The following NEIL2 variants were observed in gnomAD, a reference collection of about 807,000 sequenced individuals.
The protein encoded by NEIL2 is nei like DNA glycosylase 2.
Under a neutral mutation model 22.2 loss-of-function variants are expected in NEIL2, and 23 were observed. The ratio of observed to expected loss-of-function variants is 1.04; its 90% CI spans 0.75 to 1.47. The LOEUF is 1.47. NEIL2 is among the 40% of genes most tolerant of loss of function. The pLI is 0.00. For synonymous variants in NEIL2, 229 were observed against 164.8 expected (o/e 1.39, Z -2.99); for missense variants, 583 against 404.7 (o/e 1.44, Z -3.78).
At position 11,779,976 on chromosome 8, in the gene NEIL2, G is replaced by A. The variant is rs368736363; in HGVS notation, c.491+26G>A. On this transcript the variant is annotated intron_variant, in intron 3 of 4. Transcript: ENST00000284503. ...GTAATGGTGTGGCCATCTGATTTTC[G>A]TGGGCTCTGATAGTCATAGGGCCCT... 40 of 1,596,810 alleles carry A rather than the reference G, an allele frequency of 2.5e-5. 1 individual carries two copies. The highest frequency in any genetic ancestry group is 2.0e-4 in the African/African-American group (15 of 74,536).
At chr8:11,782,183 G>C (rs183768587) in intron 3 of NEIL2, among the ~76,000 whole-genome samples, 1 of 152,090 alleles carries the variant, frequency 6.6e-6, no homozygotes, top group Non-Finnish European at 1.5e-5. Flanking sequence ...AGCACTTTAC[G>C]AGGCCGAGGC....
intron 2 of NEIL2, among the ~76,000 whole-genome samples, chr8:11,775,183 G>C (rs1364111771): frequency 6.6e-6 from 1 of 152,246 alleles, no homozygotes; most frequent in Non-Finnish European, 1.5e-5. Context: ...GCACACCTCT[G>C]CCTGGACATC....
In NEIL2 at chr8:11,786,266, T is replaced by G. The variant is rs1804940469; in HGVS notation, c.992T>G (p.Phe331Cys). ...QLSEEPEQCQ[F>C]S ...TCAGAGGAGCCAGAGCAGTGCCAGT[T>G]CTCCTAAGGAGCTGGTGGTGCTCCT... The change falls in exon 5 of 5, where the codon TTC (phenylalanine) becomes TGC (cysteine). Residue 331 changes from phenylalanine to cysteine, a missense_variant. By Grantham distance (205) the Phe-to-Cys change is radical (BLOSUM62 -2). Transcript: ENST00000284503. 1 of 1,611,504 alleles carries G rather than the reference T, an allele frequency of 6.2e-7. No homozygotes were observed. The highest frequency in any genetic ancestry group is 8.5e-7 in the Non-Finnish European group (1 of 1,179,780).
chr8:11,771,923 G>A (rs1262763814), intron 2 of NEIL2, among the ~76,000 whole-genome samples: 4 of 152,132 alleles, frequency 2.6e-5, no homozygotes, highest in Non-Finnish European at 4.4e-5. Flanking sequence ...GAGCAGAACC[G>A]GCTGGGCACG....
rs920918849 is a variant in NEIL2 at position 11,786,685 on chromosome 8, G to C, written c.*412G>C. On this transcript the variant is annotated 3_prime_UTR_variant, in exon 5 of 5. Coordinates refer to ENST00000284503, the MANE Select transcript of NEIL2 (RefSeq NM_145043.4). ...GAGAGAGTCTTGCTCTGTCTCCCTG[G>C]CTAGGGTGTGGTGGTGTGATCTTGG... 5.8e-5 allele frequency: 15 copies of C among 257,826 alleles called. No homozygotes were observed. Among genetic ancestry groups the C allele is most frequent in the Non-Finnish European group, 9.7e-5 (13 of 133,842 alleles). The allele number at this position is 257,826 out of a possible 1,614,324, so 16.0% of individuals were successfully genotyped here.
Position 11,776,740 on chromosome 8 carries a change from C to T in NEIL2, c.139-2858C>T, listed in dbSNP as rs112476451. Among the ~76,000 whole-genome samples the T allele has an allele frequency of 7.3e-3, 1,111 of 152,284 alleles. 12 individuals carry two copies. The highest frequency in any genetic ancestry group is 0.02 in the Middle Eastern group (6 of 294). ...CCCATCTCCAGGTCACCTGGGGTCA[C>T]GATGGGTAGGTCCCCTGGGTTCTCT... On this transcript the variant is annotated intron_variant, in intron 2 of 4. Transcript: ENST00000284503.
At chr8:11,777,151 A>G (rs1210394141) in intron 2 of NEIL2, among the ~76,000 whole-genome samples, 1 of 139,694 alleles carries the variant, frequency 7.2e-6, no homozygotes, top group Admixed American at 7.0e-5. Context: ...TTCTACCCAC[A>G]CTTTTCTTTT....
At chr8:11,774,461 T>C (rs1803739782) in intron 2 of NEIL2, among the ~76,000 whole-genome samples, 1 of 152,110 alleles carries the variant, frequency 6.6e-6, no homozygotes, top group Non-Finnish European at 1.5e-5. Flanking sequence ...TACCTCCCAC[T>C]GGGTACCTCC....
intron 3 of NEIL2, among the ~76,000 whole-genome samples, chr8:11,780,810 G>C (rs1804352987): frequency 6.6e-6 from 1 of 152,152 alleles, no homozygotes; most frequent in Admixed American, 6.5e-5. Context: ...CATATTCTTA[G>C]GGCTGTACAT....
intron 2 of NEIL2, among the ~76,000 whole-genome samples, chr8:11,777,003 C>T (rs972618701): frequency 6.6e-6 from 1 of 152,118 alleles, no homozygotes; most frequent in Non-Finnish European, 1.5e-5. Flanking sequence ...GTAGGGTTTC[C>T]ACCTCTGCCT....
At chr8:11,781,891 T>A (rs1804453674) in intron 3 of NEIL2, among the ~76,000 whole-genome samples, 1 of 151,618 alleles carries the variant, frequency 6.6e-6, no homozygotes, top group Admixed American at 6.6e-5. Context: ...GAAGACCCTG[T>A]TTGTACAAAA....
intron 1 of NEIL2, 114 bp from the exon 2 acceptor site, chr8:11,771,332 C>A: frequency 7.3e-7 from 1 of 1,377,340 alleles, no homozygotes; most frequent in African/African-American, 1.4e-5. Context: ...CATGCTTGCT[C>A]TTAAAGTTAG....
intron 2 of NEIL2, among the ~76,000 whole-genome samples, chr8:11,774,559 C>G (rs941374267): frequency 1.1e-4 from 17 of 152,158 alleles, no homozygotes; most frequent in African/African-American, 4.1e-4. Context: ...CCTCACATTT[C>G]AAAACCAATC....
At chr8:11,770,453 G>C (rs1485033606) in intron 1 of NEIL2, 118 bp downstream of exon 1, 2 of 152,212 alleles carry the variant, frequency 1.3e-5, no homozygotes, top group Admixed American at 6.5e-5. Context: ...GCACCAGCGA[G>C]TGTAAGATGC....
chr8:11,776,049 A>C (rs1563253884), intron 2 of NEIL2, among the ~76,000 whole-genome samples: 1 of 152,226 alleles, frequency 6.6e-6, no homozygotes, highest in Non-Finnish European at 1.5e-5. Context: ...ACCAGTTTAC[A>C]GTATTAGTCT....
At chr8:11,775,501 G>T (rs1803835689) in intron 2 of NEIL2, among the ~76,000 whole-genome samples, 1 of 152,212 alleles carries the variant, frequency 6.6e-6, no homozygotes, top group Non-Finnish European at 1.5e-5. Context: ...TCTCTGACAT[G>T]CTCTGGAGAC....
intron 2 of NEIL2, among the ~76,000 whole-genome samples, chr8:11,775,803 T>C (rs961887563): frequency 2.0e-5 from 3 of 152,212 alleles, no homozygotes; most frequent in Non-Finnish European, 4.4e-5. Context: ...TTTACTCTAG[T>C]TCCCAGCAAG....
chr8:11,782,992 G>A lies in NEIL2; in HGVS notation c.492-211G>A, dbSNP rs1804567490. ...GGTAATGATGTGGGGATGTGTGTAT[G>A]TGTGCATGATCCAGCCACAGAGTGT... On this transcript the variant is annotated intron_variant, in intron 3 of 4. Transcript: ENST00000284503. The A allele has an allele frequency of 4.7e-6, 3 of 632,712 alleles. 1 individual carries two copies. The African/African-American group carries it at 5.4e-5, about 11-fold the overall frequency. 39.2% of individuals were successfully genotyped at this position (632,712 alleles called of 1,614,324 possible).
intron 2 of NEIL2, among the ~76,000 whole-genome samples, chr8:11,773,903 C>G (rs1251128569): frequency 6.6e-6 from 1 of 152,180 alleles, no homozygotes. Context: ...CATTGGAAAC[C>G]AAGCTCCTTC....
Sources: gnomAD v4.1 joint callset for allele counts (sites outside exome capture counted in the v4.1 genomes callset) on GRCh38, gnomAD v4.1.1 for gene constraint, MANE v1.5 for transcripts, NCBI Gene and HGNC (gene_info 2026-07-23, HGNC 2026-07-21) for gene names.